The following CAMTA1 variants were observed in gnomAD, a reference collection of about 807,000 sequenced individuals.
CAMTA1 encodes the protein calmodulin-binding transcription activator 1.
A neutral mutation model predicts 170.9 loss-of-function variants in CAMTA1; 27 were observed. That is an observed-to-expected ratio of 0.16 (90% CI 0.12 to 0.22). The LOEUF is 0.22. Among genes scored for constraint, CAMTA1 ranks in the 10% least tolerant of loss-of-function variants. CAMTA1 has a pLI of 1.00. For missense variants in CAMTA1, 1,619 were observed against 2,217.2 expected (o/e 0.73, Z 5.42); for synonymous variants, 833 against 891.5 (o/e 0.93, Z 1.17).
intron 3 of CAMTA1, among the ~76,000 whole-genome samples, chr1:7,073,769 C>G (rs1011310456): frequency 6.6e-6 from 1 of 152,120 alleles, no homozygotes; most frequent in African/African-American, 2.4e-5. Context: ...AGGTAAAAAT[C>G]TGATAGGAAT....
chr1:7,733,602 T>C (rs1429013389), intron 12 of CAMTA1, among the ~76,000 whole-genome samples: 1 of 152,174 alleles, frequency 6.6e-6, no homozygotes, highest in African/African-American at 2.4e-5. Context: ...AGAAATTATT[T>C]CTCAGGGGAC....
intron 3 of CAMTA1, among the ~76,000 whole-genome samples, chr1:6,861,454 G>A (rs1183671629): frequency 6.6e-6 from 1 of 152,138 alleles, no homozygotes; most frequent in Non-Finnish European, 1.5e-5. Flanking sequence ...TCACATCTTA[G>A]AACACATTAA....
At chr1:7,257,628 G>A (rs752754770) in intron 5 of CAMTA1, among the ~76,000 whole-genome samples, 1 of 152,180 alleles carries the variant, frequency 6.6e-6, no homozygotes, top group Non-Finnish European at 1.5e-5. Context: ...GCCAGATTTA[G>A]TATGTACATG....
chr1:7,392,728 G>T (rs2088862624), intron 5 of CAMTA1, among the ~76,000 whole-genome samples: 1 of 152,044 alleles, frequency 6.6e-6, no homozygotes, highest in African/African-American at 2.4e-5. Flanking sequence ...TAAAAAATTA[G>T]CCGGGTGTGG....
chr1:7,403,507 A>G (rs1300957304), intron 5 of CAMTA1, among the ~76,000 whole-genome samples: 3 of 152,180 alleles, frequency 2.0e-5, no homozygotes, highest in Admixed American at 2.0e-4. Context: ...TACCTCCTGG[A>G]AGATGTAACA....
chr1:7,345,513 T>G (rs567035600), intron 5 of CAMTA1, among the ~76,000 whole-genome samples: 2 of 152,222 alleles, frequency 1.3e-5, no homozygotes, highest in Non-Finnish European at 2.9e-5. Context: ...TGTTTGTACT[T>G]TGAAGACTTT....
At chr1:7,667,539 G>C (rs1018902261) in intron 9 of CAMTA1, among the ~76,000 whole-genome samples, 1 of 152,164 alleles carries the variant, frequency 6.6e-6, no homozygotes, top group African/African-American at 2.4e-5. Context: ...ATGTCTTGCA[G>C]AAGCCAGGAG....
At chr1:7,725,020 C>A (rs1477060778) in intron 11 of CAMTA1, among the ~76,000 whole-genome samples, 2 of 152,166 alleles carry the variant, frequency 1.3e-5, no homozygotes, top group East Asian at 3.9e-4. Context: ...TGTCTCAGAG[C>A]TGCCCAGGCT....
At chr1:7,657,480 G>GACATGTCATGACCTT (rs1244843935) in intron 7 of CAMTA1, among the ~76,000 whole-genome samples, 1 of 152,154 alleles carries the variant, frequency 6.6e-6, no homozygotes, top group African/African-American at 2.4e-5. Context: ...TCCCTTACAA[G>GACATGTCATGACCTT]ACATGTCATG....
intron 6 of CAMTA1, among the ~76,000 whole-genome samples, chr1:7,630,839 C>T (rs762841638): frequency 5.3e-5 from 8 of 152,240 alleles, no homozygotes; most frequent in Admixed American, 4.6e-4. Context: ...CCACACTCGG[C>T]CGCAGTGGGA....
intron 3 of CAMTA1, among the ~76,000 whole-genome samples, chr1:7,048,436 A>G (rs1705759754): frequency 6.6e-6 from 1 of 152,218 alleles, no homozygotes; most frequent in South Asian, 2.1e-4. Context: ...TTTTGATGGA[A>G]TTAGTAAATT....
At chr1:7,324,394 TA>T (rs141817470) in intron 5 of CAMTA1, among the ~76,000 whole-genome samples, 5 of 152,106 alleles carry the variant, frequency 3.3e-5, no homozygotes, top group South Asian at 2.1e-4. Flanking sequence ...TAAAGATTCT[TA>T]AAAAAAATCC....
intron 6 of CAMTA1, 72 bp from the exon 7 acceptor site, chr1:7,640,328 G>A: frequency 1.3e-6 from 2 of 1,561,856 alleles, no homozygotes; most frequent in Admixed American, 1.7e-5. Flanking sequence ...TGCACCTGCG[G>A]GGTTGGGGGC....
At chr1:7,091,032 A>G (rs1421987316) in intron 3 of CAMTA1, among the ~76,000 whole-genome samples, 1 of 152,118 alleles carries the variant, frequency 6.6e-6, no homozygotes, top group Admixed American at 6.5e-5. Context: ...ATGGTGTCTG[A>G]TGTCTTCCTG....
At position 7,736,943 on chromosome 1, in the gene CAMTA1, G is replaced by A. The variant is rs762946955; in HGVS notation, c.3276G>A (p.Ala1092=). 151 of 1,612,898 alleles carry A rather than the reference G, an allele frequency of 9.4e-5. No individual in the cohort carries two copies. The East Asian group carries it at 1.1e-3, about 12-fold the overall frequency. Residue 1092 remains alanine, a synonymous_variant, in exon 14 of 23, where the codon GCG becomes GCA. Transcript: ENST00000303635. This position sits in a 1 kb window ranked among gnomAD's most constrained non-coding sequence, Gnocchi z 4.5. ...QTLIKWRTKH[A]DSIDLELEVD... is the part of the protein sequence containing the mutation. ...CTCTCCCTTATAGTACAAAGCACGC[G>A]GATAGCATTGACCTGGAACTGGAAG...
intron 5 of CAMTA1, among the ~76,000 whole-genome samples, chr1:7,380,199 ATGGGGTTAGTTTTCC>A (rs1457942378): frequency 6.6e-6 from 1 of 152,226 alleles, no homozygotes; most frequent in Non-Finnish European, 1.5e-5. Flanking sequence ...CCAGGAGCCC[ATGGGGTTAGTTTTCC>A]TGTAGGCTCA....
intron 18 of CAMTA1, 93 bp downstream of exon 18, chr1:7,746,184 T>C: frequency 1.4e-6 from 2 of 1,434,614 alleles, no homozygotes; most frequent in Admixed American, 4.5e-5. Context: ...CATTTACTAT[T>C]TCTTTTTTTC....
chr1:7,313,475 G>C (rs964694942), intron 5 of CAMTA1, among the ~76,000 whole-genome samples: 1 of 152,216 alleles, frequency 6.6e-6, no homozygotes, highest in Non-Finnish European at 1.5e-5. Flanking sequence ...AGACGTCCTC[G>C]TTAGGGATCT....
intron 6 of CAMTA1, among the ~76,000 whole-genome samples, chr1:7,498,833 C>G (rs1181937895): frequency 7.3e-6 from 1 of 137,816 alleles, no homozygotes; most frequent in East Asian, 2.3e-4. Flanking sequence ...TGGTGTGAGC[C>G]TGGTGTGCGT....
Sources: allele counts gnomAD v4.1 joint callset (sites outside exome capture counted in the v4.1 genomes callset), GRCh38; gene constraint gnomAD v4.1.1; non-coding constraint Gnocchi (gnomAD v3.1); transcripts MANE v1.5; gene names NCBI Gene and HGNC (gene_info 2026-07-23, HGNC 2026-07-21).